The following EIF3L variants were observed in gnomAD, a reference collection of about 807,000 sequenced individuals.
EIF3L encodes the protein eIEF associated protein HSPC021.
Under a neutral mutation model 74.6 loss-of-function variants are expected in EIF3L, and 32 were observed. That is an observed-to-expected ratio of 0.43 (90% CI 0.32 to 0.58). EIF3L has a LOEUF of 0.58. Ranked by LOEUF, EIF3L falls within the 20% of genes least tolerant of loss-of-function variation. The probability of loss-of-function intolerance (pLI) is 0.06; values close to 1 mark genes in which losing one functional copy is unlikely to be tolerated. For synonymous variants in EIF3L, 256 were observed against 254.4 expected, an observed-to-expected ratio of 1.01 and a Z score of -0.06; for missense variants, 474 against 707.8, an observed-to-expected ratio of 0.67 and a Z score of 3.75.
chr22:37,866,646 C>T (rs559742423), intron 7 of EIF3L, among the ~76,000 whole-genome samples: 1 of 152,040 alleles, frequency 6.6e-6, no homozygotes, highest in African/African-American at 2.4e-5. Context: ...ATCAGCCGGG[C>T]GTGGTGGCAG....
At chr22:37,874,290 C>T in intron 8 of EIF3L, 80 bp from the exon 9 acceptor site, 1 of 1,478,526 alleles carries the variant, frequency 6.8e-7, no homozygotes, top group Non-Finnish European at 9.2e-7. Context: ...GGTGAGATGC[C>T]TACTGAGTAA....
rs71195065 is a variant in EIF3L, at chr22:37,868,634, C to CTTTTTTTTTTTTTTTTTTTTTT, written c.580-1538_580-1517dup. ...ACACCTGGCTATTTTTGTTTTGGTG[C>CTTTTTTTTTTTTTTTTTTTTTT]TTTTTTTTTTTTTTTTTTTTTTTTT... On this transcript the variant is annotated intron_variant, in intron 7 of 12. Coordinates refer to ENST00000652021, the MANE Select transcript of EIF3L (RefSeq NM_016091.4). Among the ~76,000 whole-genome samples the CTTTTTTTTTTTTTTTTTTTTTT allele has an allele frequency of 2.4e-4, 6 of 25,128 alleles. 1 individual carries two copies. The highest frequency in any genetic ancestry group is 2.3e-4 in the Non-Finnish European group (3 of 12,810). The allele number at this position is 25,128 out of a possible 152,430, so 16.5% of individuals were successfully genotyped here. A position where few individuals can be genotyped will look rare whatever the true frequency, so the allele number is the denominator to read the frequency against.
At chr22:37,880,757 G>C (rs1221947637) in intron 11 of EIF3L, 2 of 152,224 alleles carry the variant, frequency 1.3e-5, no homozygotes, top group Non-Finnish European at 2.9e-5. Context: ...TGGGATTACT[G>C]GTGTGAGCCA....
chr22:37,876,401 A>G lies in EIF3L; in HGVS notation c.1077+390A>G, dbSNP rs147948579. 1.5e-4 allele frequency: 23 copies of G among 155,066 alleles called. No individual in the cohort carries two copies. In the East Asian group the frequency reaches 4.3e-3, roughly 29 times the overall value. 9.6% of individuals were successfully genotyped at this position (155,066 alleles called of 1,614,324 possible). A position where few individuals can be genotyped will look rare whatever the true frequency, so the allele number is the denominator to read the frequency against. ...CTGCAACCTCCGCTTCCTGGGTTCA[A>G]GTGATTCTCCAGCCTTAGCCTCCTG... is the stretch of plus-strand genomic sequence containing the variant. On this transcript the variant is annotated intron_variant, in intron 10 of 12. Transcript: ENST00000652021.
At chr22:37,855,751 T>A in intron 4 of EIF3L, 107 bp downstream of exon 4, 1 of 942,462 alleles carries the variant, frequency 1.1e-6, no homozygotes. Context: ...CCATTTTGTT[T>A]CCTTGGTGCT....
chr22:37,855,712 C>G, intron 4 of EIF3L, 68 bp downstream of exon 4: 1 of 1,354,246 alleles, frequency 7.4e-7, no homozygotes, highest in Non-Finnish European at 1.0e-6. Context: ...AGACAGGAAG[C>G]TCAAGAGGGT....
chr22:37,857,348 C>T (rs1269523763), intron 4 of EIF3L, among the ~76,000 whole-genome samples: 5 of 111,948 alleles, frequency 4.5e-5, no homozygotes, highest in African/African-American at 1.5e-4. Flanking sequence ...CCAGCCTGGG[C>T]GACAGAGCAA....
intron 7 of EIF3L, among the ~76,000 whole-genome samples, chr22:37,869,008 C>T (rs1926333647): frequency 6.6e-6 from 1 of 152,298 alleles, no homozygotes; most frequent in Middle Eastern, 3.4e-3. Flanking sequence ...AACTCTTGAT[C>T]TCATGATCCA....
chr22:37,852,758 G>A (rs569674981), intron 3 of EIF3L, among the ~76,000 whole-genome samples: 6 of 151,866 alleles, frequency 4.0e-5, no homozygotes, highest in African/African-American at 1.4e-4. Context: ...GGTCCTTCCC[G>A]CCCCTGCAAG....
In EIF3L at chr22:37,878,093, C is replaced by T. The variant is rs373492145; in HGVS notation, c.1497C>T (p.Asn499=). The T allele has an allele frequency of 6.8e-6, 11 of 1,614,028 alleles. 1 individual carries two copies. The highest frequency in any genetic ancestry group is 1.7e-5 in the Admixed American group (1 of 59,986). Residue 499 remains asparagine, a synonymous_variant, in exon 11 of 13, where the codon AAC becomes AAT. Transcript: ENST00000652021. ...QLLVFKHKMK[N]LVWTSGISAL... is the part of the protein sequence containing the mutation. ...TTGTCTTCAAACACAAGATGAAGAA[C>T]CTCGTGTGGACCAGCGGTATCTCAG...
In EIF3L at chr22:37,870,200, T is replaced by C. The variant is rs1473168458; in HGVS notation, c.604T>C (p.Cys202Arg). ...YQFQSFSQYR[C>R]KTAKKSEEEI... Reference sequence around the variant, plus strand: ...GTTTCAGTCATTCAGTCAGTACCGCTGTAAGACTGCCAAGAAGTCAGAGGA... The same window carrying C: ...GTTTCAGTCATTCAGTCAGTACCGCCGTAAGACTGCCAAGAAGTCAGAGGA... The change falls in exon 8 of 13, where the codon TGT (cysteine) becomes CGT (arginine). Residue 202 changes from cysteine (C) to arginine (R), a missense_variant. By Grantham distance (180) the Cys-to-Arg change is radical. Transcript: ENST00000652021. The C allele has an allele frequency of 6.2e-7, 1 of 1,612,664 alleles. No homozygotes were observed. The highest frequency in any genetic ancestry group is 1.7e-5 in the Admixed American group (1 of 59,864).
At chr22:37,886,908 A>C in intron 12 of EIF3L, 63 bp downstream of exon 12, 1 of 1,355,766 alleles carries the variant, frequency 7.4e-7, no homozygotes, top group Non-Finnish European at 1.0e-6. Flanking sequence ...CTGAATCGAG[A>C]GTTTACTTTT....
At chr22:37,885,945 C>CT (rs1927295222) in intron 11 of EIF3L, 1 of 150,916 alleles carries the variant, frequency 6.6e-6, no homozygotes, top group African/African-American at 2.4e-5. Context: ...AATCCCAACA[C>CT]TTTGGGAGGC....
At chr22:37,871,849 A>G (rs1926489879) in intron 8 of EIF3L, among the ~76,000 whole-genome samples, 1 of 147,810 alleles carries the variant, frequency 6.8e-6, no homozygotes, top group Admixed American at 6.9e-5. Context: ...AGTCTTAGTG[A>G]CAGAGCGAGA....
chr22:37,858,219 C>CTTTTTTTTTTTTTTTTT (rs549425262), intron 4 of EIF3L, among the ~76,000 whole-genome samples: 1 of 85,084 alleles, frequency 1.2e-5, no homozygotes, highest in African/African-American at 4.9e-5. Context: ...TTCTTTCTTC[C>CTTTTTTTTTTTTTTTTT]TTTTTTTTTT....
At chr22:37,858,497 G>A (rs1005158081) in intron 4 of EIF3L, 182 bp from the exon 5 acceptor site, 6 of 658,920 alleles carry the variant, frequency 9.1e-6, no homozygotes, top group Non-Finnish European at 1.6e-5. Context: ...CAGAGATTGA[G>A]GTTGATGGAG....
At chr22:37,860,075 T>C (rs1925775312) in intron 5 of EIF3L, among the ~76,000 whole-genome samples, 1 of 152,222 alleles carries the variant, frequency 6.6e-6, no homozygotes, top group Admixed American at 6.5e-5. Flanking sequence ...TCTCTATCTT[T>C]AGCCTCAGTT....
rs573288087 is a variant in EIF3L, at chr22:37,849,635, C to T, written c.33+153C>T. ...AGGCTGCTCCCACAGTTCCCGGTCC[C>T]TAGACAACCCTGGCTCTGCCCGCCC... is the stretch of plus-strand genomic sequence containing the variant. On this transcript the variant is annotated intron_variant, in intron 1 of 12. Transcript: ENST00000652021. 9.5e-6 allele frequency: 8 copies of T among 840,508 alleles called. No individual in the cohort carries two copies. In the African/African-American group the frequency reaches 1.2e-4, roughly 13 times the overall value. The allele number at this position is 840,508 out of a possible 1,614,324, so 52.1% of individuals were successfully genotyped here. A position where few individuals can be genotyped will look rare whatever the true frequency, so the allele number is the denominator to read the frequency against.
chr22:37,873,793 C>T (rs1926605791), intron 8 of EIF3L, among the ~76,000 whole-genome samples: 1 of 152,128 alleles, frequency 6.6e-6, no homozygotes, highest in Non-Finnish European at 1.5e-5. Context: ...GGTACCTGGG[C>T]TCAAGCACAT....
Sources: allele counts gnomAD v4.1 joint callset (sites outside exome capture counted in the v4.1 genomes callset), GRCh38; gene constraint gnomAD v4.1.1; transcripts MANE v1.5; gene names NCBI Gene and HGNC (gene_info 2026-07-23, HGNC 2026-07-21).